ADAMTSL1: variants seen among roughly 807,000 people sequenced by gnomAD.
The protein encoded by ADAMTSL1 is ADAMTS like 1.
A neutral mutation model predicts 201.8 loss-of-function variants in ADAMTSL1; 126 were observed. The ratio of observed to expected loss-of-function variants is 0.62; its 90% CI spans 0.54 to 0.72. The LOEUF (loss-of-function observed/expected upper bound fraction) is 0.72, where lower values mean the gene tolerates loss of function less well. ADAMTSL1 is among the 30% of genes least tolerant of loss of function. The pLI, the probability that ADAMTSL1 is intolerant of heterozygous loss-of-function variation, is 0.00. For missense variants in ADAMTSL1, 2,679 were observed against 2,277.8 expected, an observed-to-expected ratio of 1.18 and a Z score of -3.59; for synonymous variants, 1,121 against 903.4, an observed-to-expected ratio of 1.24 and a Z score of -4.32.
intron 2 of ADAMTSL1, among the ~76,000 whole-genome samples, chr9:18,463,757 A>G (rs145287614): frequency 4.4e-4 from 67 of 152,348 alleles, no homozygotes; most frequent in Non-Finnish European, 7.8e-4. Context: ...TCATTTGTCA[A>G]TAAAGACTTG....
intron 15 of ADAMTSL1, chr9:18,723,345 C>T: frequency 2.0e-6 from 1 of 500,018 alleles, no homozygotes; most frequent in Non-Finnish European, 3.6e-6. Context: ...AACCACATTC[C>T]TGTGTTGTAA....
intron 14 of ADAMTSL1, among the ~76,000 whole-genome samples, chr9:18,719,105 G>A (rs142219445): frequency 1.1e-3 from 160 of 152,178 alleles, no homozygotes; most frequent in African/African-American, 3.3e-3. Context: ...TGGCTGTGTC[G>A]TCATACCATG....
intron 2 of ADAMTSL1, among the ~76,000 whole-genome samples, chr9:18,200,953 A>C (rs567441418): frequency 6.6e-6 from 1 of 152,128 alleles, no homozygotes; most frequent in East Asian, 1.9e-4. Context: ...GATTCAAGAC[A>C]AAAGAATATC....
At chr9:18,417,771 T>C (rs1466616561) in intron 2 of ADAMTSL1, among the ~76,000 whole-genome samples, 1 of 152,158 alleles carries the variant, frequency 6.6e-6, no homozygotes, top group Non-Finnish European at 1.5e-5. Context: ...CCCAAATGGT[T>C]TCACCGCAAT....
intron 2 of ADAMTSL1, among the ~76,000 whole-genome samples, chr9:18,525,064 C>G (rs1818949659): frequency 6.6e-6 from 1 of 152,164 alleles, no homozygotes; most frequent in Non-Finnish European, 1.5e-5. Context: ...GTGAATCTGT[C>G]TGGTCCTGGA....
intron 1 of ADAMTSL1, among the ~76,000 whole-genome samples, chr9:18,129,903 G>GGAAAA (rs1825878948): frequency 6.6e-6 from 1 of 152,156 alleles, no homozygotes; most frequent in East Asian, 1.9e-4. Flanking sequence ...GGAAAGGAAA[G>GGAAAA]CTTAACTGAG....
chr9:18,324,155 T>C (rs1477843955), intron 2 of ADAMTSL1, among the ~76,000 whole-genome samples: 1 of 152,074 alleles, frequency 6.6e-6, no homozygotes, highest in Non-Finnish European at 1.5e-5. Flanking sequence ...AGACCAGAAA[T>C]ATAGCCATAT....
At chr9:18,874,224 T>A (rs529811570) in intron 23 of ADAMTSL1, among the ~76,000 whole-genome samples, 3 of 152,190 alleles carry the variant, frequency 2.0e-5, no homozygotes, top group South Asian at 4.1e-4. Context: ...GGTATATGAT[T>A]ATATCATTGG....
intron 6 of ADAMTSL1, 134 bp from the exon 7 acceptor site, chr9:18,639,120 A>G (rs981876861): frequency 7.6e-6 from 6 of 789,688 alleles, no homozygotes; most frequent in Middle Eastern, 3.4e-4. Context: ...TGATATCACA[A>G]TTTCAATTTT....
intron 13 of ADAMTSL1, among the ~76,000 whole-genome samples, chr9:18,706,087 T>C (rs1832213925): frequency 6.6e-6 from 1 of 152,210 alleles, no homozygotes; most frequent in Non-Finnish European, 1.5e-5. Context: ...GGTTGGCTAT[T>C]TTTATGGTTA....
intron 1 of ADAMTSL1, among the ~76,000 whole-genome samples, chr9:18,021,528 TCTC>T (rs1303945699): frequency 7.9e-5 from 12 of 152,074 alleles, no homozygotes; most frequent in Admixed American, 7.9e-4. Context: ...TATCCTTAAA[TCTC>T]CTCTTTACAA....
At chr9:18,359,528 T>C (rs1389106149) in intron 2 of ADAMTSL1, among the ~76,000 whole-genome samples, 1 of 152,218 alleles carries the variant, frequency 6.6e-6, no homozygotes, top group Non-Finnish European at 1.5e-5. Context: ...ACCAGGAAGA[T>C]ATTTGAATCA....
At chr9:18,485,188 C>T (rs981700236) in intron 1 of ADAMTSL1, among the ~76,000 whole-genome samples, 2 of 152,070 alleles carry the variant, frequency 1.3e-5, no homozygotes, top group Admixed American at 6.6e-5. Context: ...AGTACAGATT[C>T]GAACCGAGGC....
chr9:18,789,508 T>G (rs1363186443), intron 19 of ADAMTSL1, among the ~76,000 whole-genome samples: 3 of 152,232 alleles, frequency 2.0e-5, no homozygotes, highest in African/African-American at 4.8e-5. Flanking sequence ...TCAGCCCCGT[T>G]GCTTTGAAGG....
chr9:18,838,360 TACACACACACACACACACACAC>T (rs775337751), intron 23 of ADAMTSL1, among the ~76,000 whole-genome samples: 3,710 of 86,742 alleles, frequency 0.043, 64 homozygotes, highest in South Asian at 0.1. Context: ...CAAACCATAT[TACACACACACACACACACACAC>T]ACACACACAC....
intron 2 of ADAMTSL1, among the ~76,000 whole-genome samples, chr9:18,303,719 G>C (rs1833796077): frequency 6.6e-6 from 1 of 152,216 alleles, no homozygotes; most frequent in South Asian, 2.1e-4. Context: ...TGAACCCAAA[G>C]AGAATAAAGA....
chr9:18,196,284 T>C (rs776329033), intron 2 of ADAMTSL1, among the ~76,000 whole-genome samples: 55 of 152,014 alleles, frequency 3.6e-4, no homozygotes, highest in Non-Finnish European at 5.6e-4. Context: ...ATAACATGAG[T>C]TTATTTGCAT....
intron 15 of ADAMTSL1, among the ~76,000 whole-genome samples, chr9:18,731,276 G>A (rs1162411064): frequency 6.6e-6 from 1 of 152,224 alleles, no homozygotes; most frequent in African/African-American, 2.4e-5. Flanking sequence ...TGTAGCATGG[G>A]CTGGTGTATT....
chr9:18,458,180 T>A (rs1381856718), intron 2 of ADAMTSL1, among the ~76,000 whole-genome samples: 4 of 152,176 alleles, frequency 2.6e-5, no homozygotes, highest in Non-Finnish European at 4.4e-5. Flanking sequence ...GAAAGGCTGT[T>A]TTCATTTAAA....
Sources: gnomAD v4.1 joint callset for allele counts (sites outside exome capture counted in the v4.1 genomes callset) on GRCh38, gnomAD v4.1.1 for gene constraint, MANE v1.5 for transcripts, NCBI Gene and HGNC (gene_info 2026-07-23, HGNC 2026-07-21) for gene names.